The following DLG2 variants were observed in gnomAD, a reference collection of about 807,000 sequenced individuals.
DLG2 encodes disks large homolog 2.
DLG2 carries 45 observed loss-of-function variants against 132.5 expected under a neutral mutation model. The observed-to-expected ratio is 0.34, with a 90% confidence interval of 0.27 to 0.44. The LOEUF is 0.44. DLG2 is among the 20% of genes least tolerant of loss of function. The pLI is 1.00. For missense variants in DLG2, 1,045 were observed against 1,196.9 expected (o/e 0.87, Z 1.87); for synonymous variants, 424 against 419.6 (o/e 1.01, Z -0.13).
In DLG2 at chr11:83,998,502, G is replaced by A. The variant is rs1046162317; in HGVS notation, c.920-17860C>T. Among the ~76,000 whole-genome samples, 5 of 152,162 alleles carry A rather than the reference G, an allele frequency of 3.3e-5. No homozygotes were observed. In the South Asian group the frequency reaches 1.0e-3, roughly 32 times the overall value. ...ACCTAAAGCAAAGAAGAAAAAGGAA[G>A]CAAGGCATCCTGCTTGACCAGGATC... On this transcript the variant is annotated intron_variant, in intron 11 of 27. Transcript: ENST00000376104.
intron 19 of DLG2, among the ~76,000 whole-genome samples, chr11:83,585,721 C>G (rs2097073271): frequency 1.3e-5 from 2 of 152,158 alleles, no homozygotes; most frequent in African/African-American, 4.8e-5. Flanking sequence ...TCTACCTTCT[C>G]AAAGAGAATT....
At chr11:85,505,338 TATG>T (rs2153140441) in intron 3 of DLG2, among the ~76,000 whole-genome samples, 1 of 152,332 alleles carries the variant, frequency 6.6e-6, no homozygotes, top group South Asian at 2.1e-4. Flanking sequence ...GCCCATTTAG[TATG>T]ATATTGGCTG....
At chr11:85,109,860 G>T (rs189589798) in intron 6 of DLG2, among the ~76,000 whole-genome samples, 1 of 152,232 alleles carries the variant, frequency 6.6e-6, no homozygotes, top group Non-Finnish European at 1.5e-5. Flanking sequence ...GTTAAAGAAT[G>T]ATGAAGAGGA....
intron 3 of DLG2, among the ~76,000 whole-genome samples, chr11:85,563,885 C>T (rs1390386759): frequency 3.9e-5 from 6 of 152,014 alleles, no homozygotes; most frequent in African/African-American, 1.4e-4. Context: ...TTAAAAAGTA[C>T]CAAACTGTCT....
intron 7 of DLG2, among the ~76,000 whole-genome samples, chr11:84,407,630 C>T (rs1444860581): frequency 1.3e-5 from 2 of 152,124 alleles, no homozygotes; most frequent in African/African-American, 4.8e-5. Context: ...AAAAGAGGGC[C>T]TTGACAAATC....
chr11:84,028,514 T>G (rs988707110), intron 11 of DLG2, among the ~76,000 whole-genome samples: 3 of 152,094 alleles, frequency 2.0e-5, no homozygotes, highest in African/African-American at 7.2e-5. Context: ...GTAGGCTTAT[T>G]TTTTCACAAC....
chr11:85,012,526 AG>A (rs1452397775), intron 6 of DLG2, among the ~76,000 whole-genome samples: 5 of 152,082 alleles, frequency 3.3e-5, no homozygotes, highest in Non-Finnish European at 7.4e-5. Flanking sequence ...CTCTGTCTCA[AG>A]AAAAAAAAAA....
rs2154548132 is a variant in DLG2, at chr11:84,662,519, C to G, written c.358-127788G>C. Among the ~76,000 whole-genome samples the G allele has an allele frequency of 2.0e-5, 3 of 151,378 alleles. No homozygotes were observed. The Middle Eastern group carries it at 0.01, about 526-fold the overall frequency. ...CAGTCATGGCCCAGACATGGTGGCT[C>G]ATGCCTATAATCCCAGAACTTTGGG... On this transcript the variant is annotated intron_variant, in intron 6 of 27. Coordinates refer to ENST00000376104, the MANE Select transcript of DLG2 (RefSeq NM_001142699.3).
chr11:85,050,256 G>T (rs993956153), intron 6 of DLG2, among the ~76,000 whole-genome samples: 1 of 151,754 alleles, frequency 6.6e-6, no homozygotes, highest in Non-Finnish European at 1.5e-5. Flanking sequence ...TTCCTAATAG[G>T]CTGCTGTCCT....
chr11:84,135,410 A>G (rs1380559938), intron 9 of DLG2, among the ~76,000 whole-genome samples: 1 of 152,136 alleles, frequency 6.6e-6, no homozygotes, highest in African/African-American at 2.4e-5. Flanking sequence ...TTGAGCAGTT[A>G]CCAAAGGAAA....
chr11:84,620,107 T>G (rs1457463432), intron 6 of DLG2, among the ~76,000 whole-genome samples: 1 of 151,646 alleles, frequency 6.6e-6, no homozygotes, highest in Non-Finnish European at 1.5e-5. Flanking sequence ...TAATATAGTA[T>G]TGATTTGGCA....
At chr11:84,178,441 A>G (rs949887762) in intron 8 of DLG2, among the ~76,000 whole-genome samples, 31 of 152,162 alleles carry the variant, frequency 2.0e-4, no homozygotes, top group Non-Finnish European at 3.5e-4. Context: ...AGTATCCTCA[A>G]GAGACTACAG....
intron 6 of DLG2, among the ~76,000 whole-genome samples, chr11:84,629,128 C>T (rs1317643924): frequency 2.0e-5 from 3 of 152,132 alleles, no homozygotes; most frequent in Non-Finnish European, 2.9e-5. Context: ...TTTGCTCTGT[C>T]TTTGTCTCAA....
Position 84,304,890 on chromosome 11 carries a change from T to G in DLG2, c.520-53599A>C, listed in dbSNP as rs757765448. ...ATGGTATACAAAACAATATTGAATA[T>G]CTCAACAAATGGTTCCATTCTATCA... On this transcript the variant is annotated intron_variant, in intron 7 of 27. Coordinates refer to ENST00000376104, the MANE Select transcript of DLG2 (RefSeq NM_001142699.3). 1.0e-3 allele frequency among the ~76,000 whole-genome samples: 158 copies of G among 152,282 alleles called. 1 individual carries two copies. Among genetic ancestry groups the G allele is most frequent in the Admixed American group, 7.2e-4 (11 of 15,294 alleles).
chr11:84,850,341 G>A (rs188222277), intron 6 of DLG2, among the ~76,000 whole-genome samples: 1 of 151,638 alleles, frequency 6.6e-6, no homozygotes, highest in East Asian at 1.9e-4. Flanking sequence ...ATTGCTAAAT[G>A]ACTAGCTGTA....
intron 3 of DLG2, among the ~76,000 whole-genome samples, chr11:85,566,282 C>G (rs2077520407): frequency 6.6e-6 from 1 of 151,984 alleles, no homozygotes; most frequent in African/African-American, 2.4e-5. Flanking sequence ...GTATTTTCTC[C>G]CATTGTGTGG....
chr11:84,862,886 G>A (rs971242359), intron 6 of DLG2, among the ~76,000 whole-genome samples: 1 of 150,602 alleles, frequency 6.6e-6, no homozygotes, highest in Non-Finnish European at 1.5e-5. Context: ...GTGACGGGTT[G>A]ACAGGTGCAG....
intron 7 of DLG2, among the ~76,000 whole-genome samples, chr11:84,458,727 C>T (rs1344611724): frequency 6.6e-6 from 1 of 150,516 alleles, no homozygotes; most frequent in Non-Finnish European, 1.5e-5. Context: ...TCTTCTGTTG[C>T]ATTTACGATT....
At chr11:85,289,820 C>T (rs182503023) in intron 3 of DLG2, among the ~76,000 whole-genome samples, 3 of 152,142 alleles carry the variant, frequency 2.0e-5, no homozygotes, top group African/African-American at 7.2e-5. Flanking sequence ...AAATCCCATA[C>T]TTTCTCTTCT....
Sources: allele counts gnomAD v4.1 joint callset (sites outside exome capture counted in the v4.1 genomes callset), GRCh38; gene constraint gnomAD v4.1.1; transcripts MANE v1.5; gene names NCBI Gene and HGNC (gene_info 2026-07-23, HGNC 2026-07-21).